The following DPP8 variants were observed in gnomAD, a reference collection of about 807,000 sequenced individuals.
The protein encoded by DPP8 is DPP VIII.
A neutral mutation model predicts 107.5 loss-of-function variants in DPP8; 31 were observed. The observed-to-expected ratio is 0.29, with a 90% CI of 0.22 to 0.39. The LOEUF (loss-of-function observed/expected upper bound fraction) is 0.39, where lower values mean the gene tolerates loss of function less well. Ranked by LOEUF, DPP8 falls within the 10% of genes least tolerant of loss-of-function variation. The pLI is 1.00. For missense variants in DPP8, 842 were observed against 1,076.1 expected (o/e 0.78, Z 3.04); for synonymous variants, 381 against 356.6 (o/e 1.07, Z -0.77).
Position 65,487,847 on chromosome 15 carries a change from TAGA to T in DPP8, c.827-32_827-30del, listed in dbSNP as rs2140870324. 5 of 1,441,192 alleles carry T rather than the reference TAGA, an allele frequency of 3.5e-6. No individual in the cohort carries two copies. In the East Asian group the frequency reaches 9.3e-5, roughly 27 times the overall value. The allele number at this position is 1,441,192 out of a possible 1,614,324, so 89.3% of individuals were successfully genotyped here. The stretch of plus-strand genomic sequence containing the variant: ...AAAAGAAATTTAAATATTGAAAATT[TAGA>T]AGAATTATTCCAGAGAGTAGTCATA... On this transcript the variant is annotated intron_variant, in intron 6 of 19. Transcript: ENST00000300141.
chr15:65,502,211 T>A (rs1193069126), intron 3 of DPP8, among the ~76,000 whole-genome samples: 1 of 152,178 alleles, frequency 6.6e-6, no homozygotes, highest in African/African-American at 2.4e-5. Flanking sequence ...GTGATTTCTT[T>A]CATTTATGTC....
intron 5 of DPP8, among the ~76,000 whole-genome samples, chr15:65,496,171 G>C (rs1314636549): frequency 3.3e-5 from 5 of 151,804 alleles, no homozygotes; most frequent in Admixed American, 2.0e-4. Flanking sequence ...TTTTCGTAGA[G>C]ACAGGGTTTC....
chr15:65,464,088 G>A (rs182996604), intron 14 of DPP8, among the ~76,000 whole-genome samples, 182 bp from the exon 15 acceptor site: 10 of 152,330 alleles, frequency 6.6e-5, no homozygotes, highest in African/African-American at 2.4e-4. Context: ...ACTAGGCCGG[G>A]CGCAGTGGCT....
chr15:65,498,956 G>A (rs997375431), intron 4 of DPP8, among the ~76,000 whole-genome samples: 2 of 151,850 alleles, frequency 1.3e-5, no homozygotes, highest in African/African-American at 4.8e-5. Context: ...TACTCAGGAG[G>A]CTGAGGTGGG....
Position 65,461,635 on chromosome 15 carries a change from C to T in DPP8, c.1971+2126G>A, listed in dbSNP as rs56248001. ...TTTTTTTTTTTGAGACAGAGTCTCG[C>T]TGTGTTGTCCAGGCCGGAGTGCAGT... On this transcript the variant is annotated intron_variant, in intron 15 of 19. Transcript: ENST00000300141. Among the ~76,000 whole-genome samples, 469 of 151,000 alleles carry T rather than the reference C, an allele frequency of 3.1e-3. 1 individual carries two copies. Among genetic ancestry groups the T allele is most frequent in the African/African-American group, 0.011 (452 of 41,108 alleles).
chr15:65,482,966 G>A (rs1452479482), intron 8 of DPP8, among the ~76,000 whole-genome samples: 13 of 151,784 alleles, frequency 8.6e-5, no homozygotes, highest in African/African-American at 1.7e-4. Flanking sequence ...GCATCTTGGC[G>A]GGCACCTGTA....
At chr15:65,491,763 C>T (rs546444257) in intron 5 of DPP8, among the ~76,000 whole-genome samples, 1 of 152,142 alleles carries the variant, frequency 6.6e-6, no homozygotes, top group African/African-American at 2.4e-5. Flanking sequence ...GACGGAGTCT[C>T]GCTCTGTTGC....
intron 11 of DPP8, 82 bp from the exon 12 acceptor site, chr15:65,474,370 C>T (rs751893505): frequency 2.9e-6 from 3 of 1,049,170 alleles, no homozygotes; most frequent in Non-Finnish European, 4.3e-6. Context: ...ACTCTAAGCT[C>T]TTTTTTCCAA....
At chr15:65,492,120 C>T (rs1378348696) in intron 5 of DPP8, among the ~76,000 whole-genome samples, 1 of 151,836 alleles carries the variant, frequency 6.6e-6, no homozygotes, top group African/African-American at 2.4e-5. Flanking sequence ...GGAGGGCAGA[C>T]TGCTTGAGCT....
chr15:65,451,261 A>G (rs564248844), intron 18 of DPP8, 151 bp from the exon 19 acceptor site: 3 of 580,168 alleles, frequency 5.2e-6, no homozygotes, highest in African/African-American at 3.9e-5. Flanking sequence ...AATTTGTAAC[A>G]TATTAACCAG....
intron 12 of DPP8, among the ~76,000 whole-genome samples, chr15:65,471,804 T>C (rs1266538130): frequency 6.6e-6 from 1 of 152,142 alleles, no homozygotes; most frequent in Non-Finnish European, 1.5e-5. Flanking sequence ...CTAAAGTTTT[T>C]ACTAACAAAA....
intron 19 of DPP8, among the ~76,000 whole-genome samples, chr15:65,450,154 G>A (rs990564338): frequency 7.6e-6 from 1 of 130,766 alleles, no homozygotes; most frequent in Non-Finnish European, 1.6e-5. Flanking sequence ...TTTTAGTAGA[G>A]ACAGGGTTTC....
At chr15:65,506,413 A>G (rs1352477549) in intron 3 of DPP8, among the ~76,000 whole-genome samples, 1 of 152,074 alleles carries the variant, frequency 6.6e-6, no homozygotes, top group Non-Finnish European at 1.5e-5. Flanking sequence ...TTGTACCGAA[A>G]CATTATCTTT....
At chr15:65,491,160 C>CAAAA (rs764574499) in intron 5 of DPP8, among the ~76,000 whole-genome samples, 23 of 54,974 alleles carry the variant, frequency 4.2e-4, no homozygotes, top group African/African-American at 9.5e-4. Context: ...GACTCCGTCT[C>CAAAA]AAAAAAAAAA....
At chr15:65,455,648 A>G in intron 16 of DPP8, 1 of 1,179,858 alleles carries the variant, frequency 8.5e-7, no homozygotes, top group Non-Finnish European at 1.1e-6. Context: ...AAACAAAAAA[A>G]CTTACATGAG....
intron 2 of DPP8, among the ~76,000 whole-genome samples, chr15:65,509,419 A>T (rs1305678389): frequency 6.6e-6 from 1 of 152,220 alleles, no homozygotes; most frequent in Non-Finnish European, 1.5e-5. Context: ...ATCCATGACC[A>T]GTAAAAATTT....
At chr15:65,473,564 G>C (rs1194115183) in intron 12 of DPP8, among the ~76,000 whole-genome samples, 1 of 152,074 alleles carries the variant, frequency 6.6e-6, no homozygotes, top group Non-Finnish European at 1.5e-5. Flanking sequence ...AGCTACTCCA[G>C]AGGCTGAAGT....
chr15:65,511,778 A>G (rs1024391740), intron 2 of DPP8, among the ~76,000 whole-genome samples: 1 of 152,162 alleles, frequency 6.6e-6, no homozygotes, highest in African/African-American at 2.4e-5. Context: ...ACATAAACGA[A>G]TAAAATTTAT....
At chr15:65,464,350 G>A (rs1161095346) in intron 14 of DPP8, among the ~76,000 whole-genome samples, 5 of 149,268 alleles carry the variant, frequency 3.3e-5, no homozygotes, top group East Asian at 2.0e-4. Context: ...GTGACAGAGC[G>A]AGACTCCATC....
Sources: gnomAD v4.1 joint callset for allele counts (sites outside exome capture counted in the v4.1 genomes callset) on GRCh38, gnomAD v4.1.1 for gene constraint, MANE v1.5 for transcripts, NCBI Gene and HGNC (gene_info 2026-07-23, HGNC 2026-07-21) for gene names.